FGFR2: variants seen among roughly 807,000 people sequenced by gnomAD.
FGFR2 encodes BEK fibroblast growth factor receptor.
In FGFR2, 19 loss-of-function variants were observed where a neutral mutation model predicts 95.9. The observed-to-expected ratio is 0.20, with a 90% CI of 0.14 to 0.29. The LOEUF (loss-of-function observed/expected upper bound fraction) is 0.29, where lower values mean the gene tolerates loss of function less well. Ranked by LOEUF, FGFR2 falls within the 10% of genes least tolerant of loss-of-function variation. The probability of loss-of-function intolerance (pLI) is 1.00; values close to 1 mark genes in which losing one functional copy is unlikely to be tolerated. For synonymous variants in FGFR2, 392 were observed against 393.3 expected (o/e 1.00, Z 0.04); for missense variants, 707 against 1,056.9 (o/e 0.67, Z 4.59).
rs1049817252 is a variant in FGFR2, at chr10:121,559,548, G to A, written c.454+4954C>T. On this transcript the variant is annotated intron_variant, in intron 4 of 17. Transcript: ENST00000358487. ...GAGGCCAAGTAGCCAGCTAAGAACC[G>A]CTATCACTTTAAATAGCATCTAATG... is the stretch of plus-strand genomic sequence containing the variant. Among the ~76,000 whole-genome samples, 11 of 152,282 alleles carry A rather than the reference G, an allele frequency of 7.2e-5. No individual in the cohort carries two copies. In the East Asian group the frequency reaches 7.7e-4, roughly 11 times the overall value.
chr10:121,577,158 A>AAAAAT (rs1554858932), intron 2 of FGFR2, among the ~76,000 whole-genome samples: 1 of 13,962 alleles, frequency 7.2e-5, no homozygotes, highest in African/African-American at 2.7e-4. Flanking sequence ...AAAAAAAAAA[A>AAAAAT]ATATATATAT....
intron 5 of FGFR2, among the ~76,000 whole-genome samples, chr10:121,545,313 CG>C (rs1854340116): frequency 6.6e-6 from 1 of 152,154 alleles, no homozygotes; most frequent in Admixed American, 6.5e-5. Flanking sequence ...TTACAAAACA[CG>C]GAACTACATT....
chr10:121,525,077 G>T (rs1176392178), intron 6 of FGFR2, among the ~76,000 whole-genome samples: 3 of 152,218 alleles, frequency 2.0e-5, no homozygotes, highest in African/African-American at 7.2e-5. Context: ...ATATAAAACA[G>T]ATTTTCCTTT....
chr10:121,525,608 A>G (rs1055138823), intron 6 of FGFR2, among the ~76,000 whole-genome samples: 11 of 136,170 alleles, frequency 8.1e-5, no homozygotes, highest in African/African-American at 2.9e-4. Context: ...CTTCCTTCCA[A>G]GAGGTCATTA....
chr10:121,481,009 A>C (rs1359791335), intron 17 of FGFR2, among the ~76,000 whole-genome samples: 1 of 152,196 alleles, frequency 6.6e-6, no homozygotes, highest in East Asian at 1.9e-4. Flanking sequence ...AGGATCCATA[A>C]AATTTTACTA....
intron 9 of FGFR2, among the ~76,000 whole-genome samples, chr10:121,507,070 A>C (rs1462322046): frequency 2.0e-5 from 3 of 152,188 alleles, no homozygotes; most frequent in African/African-American, 7.2e-5. Flanking sequence ...GCATCTCTGC[A>C]TCCTTCGATG....
At chr10:121,558,647 G>A (rs961482941) in intron 4 of FGFR2, among the ~76,000 whole-genome samples, 3 of 145,418 alleles carry the variant, frequency 2.1e-5, no homozygotes, top group East Asian at 2.0e-4. Context: ...TCACTCTGTC[G>A]CCCAGGCTGG....
intron 4 of FGFR2, among the ~76,000 whole-genome samples, chr10:121,563,535 T>A (rs552561517): frequency 6.6e-6 from 1 of 152,318 alleles, no homozygotes; most frequent in South Asian, 2.1e-4. Flanking sequence ...TTAGGAACAT[T>A]CTAGCCAAGT....
At chr10:121,514,306 A>G (rs1175886831) in intron 9 of FGFR2, among the ~76,000 whole-genome samples, 1 of 152,200 alleles carries the variant, frequency 6.6e-6, no homozygotes, top group Non-Finnish European at 1.5e-5. Flanking sequence ...TAAGCAGAAA[A>G]GAGCTGAGGC....
intron 2 of FGFR2, among the ~76,000 whole-genome samples, chr10:121,575,805 G>A (rs1381001344): frequency 2.6e-5 from 4 of 151,818 alleles, no homozygotes; most frequent in Non-Finnish European, 1.5e-5. Context: ...GCAGTGAGCC[G>A]AGATCGTGCC....
intron 6 of FGFR2, among the ~76,000 whole-genome samples, chr10:121,532,597 T>C (rs895092928): frequency 5.9e-5 from 9 of 152,280 alleles, no homozygotes; most frequent in Admixed American, 5.2e-4. Context: ...TTTGAGGGAC[T>C]CCGCCGTGCC....
intron 9 of FGFR2, among the ~76,000 whole-genome samples, chr10:121,511,103 T>G (rs773455079): frequency 1.3e-5 from 2 of 151,842 alleles, no homozygotes; most frequent in African/African-American, 2.4e-5. Context: ...CGGCACCCAG[T>G]CTGCTCTTGA....
At chr10:121,503,719 A>T (rs1012518793) in intron 10 of FGFR2, 71 bp downstream of exon 10, 3 of 1,564,614 alleles carry the variant, frequency 1.9e-6, no homozygotes, top group African/African-American at 2.7e-5. Flanking sequence ...TCATAAAAAG[A>T]AAATGTTAAT....
chr10:121,497,106 A>G (rs371557196), intron 12 of FGFR2, among the ~76,000 whole-genome samples: 212 of 145,230 alleles, frequency 1.5e-3, no homozygotes, highest in African/African-American at 4.7e-3. Context: ...ACTGCAGCCT[A>G]GGCAACAGAG....
At chr10:121,543,535 C>A (rs925630430) in intron 5 of FGFR2, among the ~76,000 whole-genome samples, 6 of 152,020 alleles carry the variant, frequency 3.9e-5, no homozygotes, top group Admixed American at 2.0e-4. Context: ...ACAAAAAATG[C>A]ATAAAATCTT....
rs559671934 is a variant in FGFR2 at position 121,518,958 on chromosome 10, C to T, written c.939+1021G>A. 3 of 1,150,534 alleles carry T rather than the reference C, an allele frequency of 2.6e-6. No individual in the cohort carries two copies. The highest frequency in any genetic ancestry group is 1.3e-6 in the Non-Finnish European group (1 of 783,576). The allele number at this position is 1,150,534 out of a possible 1,614,324, so 71.3% of individuals were successfully genotyped here. On this transcript the variant is annotated intron_variant, in intron 7 of 17. Coordinates refer to ENST00000358487, the MANE Select transcript of FGFR2 (RefSeq NM_000141.5). This position sits in a 1 kb window ranked among gnomAD's most constrained non-coding sequence, Gnocchi z 4.0. The stretch of plus-strand genomic sequence containing the variant: ...TCTAAACAGCGGCATTAAAGGGCTG[C>T]GGATTTTAAAGAACAAAATCAGTCC...
At chr10:121,529,160 G>C (rs1851771400) in intron 6 of FGFR2, among the ~76,000 whole-genome samples, 1 of 152,098 alleles carries the variant, frequency 6.6e-6, no homozygotes, top group Non-Finnish European at 1.5e-5. Context: ...CCAGTCTGGA[G>C]TGCAGTGGCA....
Position 121,574,356 on chromosome 10 carries a change from C to G in FGFR2, c.110-8652G>C, listed in dbSNP as rs189704679. On this transcript the variant is annotated intron_variant, in intron 2 of 17. Coordinates refer to ENST00000358487, the MANE Select transcript of FGFR2 (RefSeq NM_000141.5). ...CCGGCCTGGCCAACAAGACGAAACC[C>G]CGTCTCTACTAAAAACACAAAAATT... 7.3e-3 allele frequency among the ~76,000 whole-genome samples: 1,110 copies of G among 152,086 alleles called. 15 individuals carry two copies. Among genetic ancestry groups the G allele is most frequent in the African/African-American group, 0.021 (869 of 41,486 alleles).
Position 121,565,176 on chromosome 10 carries a change from C to CAAAAA in FGFR2, c.376+257_376+261dup, listed in dbSNP as rs71865754. 6.1e-5 allele frequency among the ~76,000 whole-genome samples: 6 copies of CAAAAA among 97,956 alleles called. 1 individual carries two copies. Among genetic ancestry groups the CAAAAA allele is most frequent in the African/African-American group, 1.8e-4 (5 of 27,914 alleles). 64.3% of individuals were successfully genotyped at this position (97,956 alleles called of 152,430 possible). ...CTAAATGCCAGAGATGTCAGTGGTA[C>CAAAAA]AAAAAAAAAAAAAAAAAAGCATGTA... On this transcript the variant is annotated intron_variant, in intron 3 of 17. Transcript: ENST00000358487.
Sources: gnomAD v4.1 joint callset for allele counts (sites outside exome capture counted in the v4.1 genomes callset) on GRCh38, gnomAD v4.1.1 for gene constraint, Gnocchi (gnomAD v3.1) non-coding constraint, MANE v1.5 for transcripts, NCBI Gene and HGNC (gene_info 2026-07-23, HGNC 2026-07-21) for gene names.